Variants in SEMA3C observed in about 807,000 individuals in gnomAD.
SEMA3C encodes semaphorin 3C.
Under a neutral mutation model 89.4 loss-of-function variants are expected in SEMA3C, and 47 were observed. That is an observed-to-expected ratio of 0.53 (90% CI 0.42 to 0.67). The LOEUF (loss-of-function observed/expected upper bound fraction) is 0.67, where lower values mean the gene tolerates loss of function less well. Ranked by LOEUF, SEMA3C falls within the 30% of genes least tolerant of loss-of-function variation. SEMA3C has a pLI of 0.00. For missense variants in SEMA3C, 839 were observed against 929.1 expected (o/e 0.90, Z 1.26); for synonymous variants, 310 against 320.2 (o/e 0.97, Z 0.34).
chr7:80,837,252 T>C (rs973772925), intron 2 of SEMA3C, among the ~76,000 whole-genome samples: 1 of 152,190 alleles, frequency 6.6e-6, no homozygotes, highest in African/African-American at 2.4e-5. Flanking sequence ...TGTTAACACA[T>C]AGGAATGCTA....
intron 2 of SEMA3C, among the ~76,000 whole-genome samples, chr7:80,872,127 T>C (rs1791072896): frequency 6.6e-6 from 1 of 152,012 alleles, no homozygotes; most frequent in African/African-American, 2.4e-5. Flanking sequence ...AGTGGCAATA[T>C]TTTACGTTTT....
intron 15 of SEMA3C, among the ~76,000 whole-genome samples, chr7:80,754,771 T>C (rs1464913794): frequency 1.3e-5 from 2 of 151,078 alleles, no homozygotes; most frequent in Non-Finnish European, 3.0e-5. Flanking sequence ...AAGATAGCTG[T>C]TTGTTGTTGT....
intron 2 of SEMA3C, among the ~76,000 whole-genome samples, chr7:80,840,119 C>G (rs1169479185): frequency 1.3e-5 from 2 of 152,144 alleles, no homozygotes; most frequent in Non-Finnish European, 2.9e-5. Flanking sequence ...ATACATAACA[C>G]AGCCCACAGC....
At chr7:80,789,913 T>G (rs540630475) in intron 11 of SEMA3C, among the ~76,000 whole-genome samples, 1 of 152,248 alleles carries the variant, frequency 6.6e-6, no homozygotes, top group African/African-American at 2.4e-5. Context: ...TAAATTATAT[T>G]ATTATCATTA....
intron 3 of SEMA3C, 61 bp downstream of exon 3, chr7:80,828,524 T>G (rs954269591): frequency 1.3e-5 from 18 of 1,365,274 alleles, no homozygotes; most frequent in Non-Finnish European, 1.7e-5. Flanking sequence ...ACTTATTTAT[T>G]TTTTTTAAAA....
upstream of SEMA3C, among the ~76,000 whole-genome samples, chr7:80,921,084 T>C (rs1792400497): frequency 6.6e-6 from 1 of 152,192 alleles, no homozygotes; most frequent in Admixed American, 6.5e-5. Context: ...TCAAACGGTG[T>C]ATTTACAAAG....
chr7:80,773,800 T>A (rs1314226274), intron 12 of SEMA3C, among the ~76,000 whole-genome samples: 2 of 152,208 alleles, frequency 1.3e-5, no homozygotes, highest in Non-Finnish European at 2.9e-5. Flanking sequence ...TCTGTGAGTC[T>A]CTGGTTGAGT....
intron 2 of SEMA3C, among the ~76,000 whole-genome samples, chr7:80,846,381 A>C (rs1790390290): frequency 2.0e-5 from 3 of 152,176 alleles, no homozygotes; most frequent in Admixed American, 1.3e-4. Flanking sequence ...TTTTGAGACA[A>C]GGTCTCACTC....
At position 80,765,012 on chromosome 7, in the gene SEMA3C, T is replaced by C. The variant is rs1788264656; in HGVS notation, c.1443+143A>G. ...TATTTGTTCTGTATTTCTTATTTTA[T>C]CTGGTGTTTTCCTACCCTCAAAAAT... On this transcript the variant is annotated intron_variant, in intron 13 of 17. Coordinates refer to ENST00000265361, the MANE Select transcript of SEMA3C (RefSeq NM_006379.5). The C allele has an allele frequency of 9.4e-6, 5 of 533,526 alleles. No individual in the cohort carries two copies. The East Asian group carries it at 1.3e-4, about 14-fold the overall frequency. The allele number at this position is 533,526 out of a possible 1,614,324, so 33.0% of individuals were successfully genotyped here. A position where few individuals can be genotyped will look rare whatever the true frequency, so the allele number is the denominator to read the frequency against.
intron 13 of SEMA3C, among the ~76,000 whole-genome samples, chr7:80,762,168 A>G (rs145477060): frequency 1.1e-4 from 17 of 152,186 alleles, no homozygotes. Flanking sequence ...AAAAATGAAA[A>G]TCTGAGAAGG....
chr7:80,782,903 C>T (rs1259993647), intron 12 of SEMA3C, among the ~76,000 whole-genome samples: 1 of 152,004 alleles, frequency 6.6e-6, no homozygotes, highest in African/African-American at 2.4e-5. Context: ...ATTTAATTAG[C>T]ATCATTATAA....
intron 5 of SEMA3C, among the ~76,000 whole-genome samples, chr7:80,811,946 T>C (rs1789479688): frequency 6.6e-6 from 1 of 152,188 alleles, no homozygotes; most frequent in Admixed American, 6.5e-5. Context: ...ATTGTACTTG[T>C]TGTCCTTTTC....
At chr7:80,776,580 A>C (rs1480604810) in intron 12 of SEMA3C, among the ~76,000 whole-genome samples, 2 of 152,184 alleles carry the variant, frequency 1.3e-5, no homozygotes, top group African/African-American at 4.8e-5. Context: ...TTGTCTCTTC[A>C]CCTGTTACAT....
At chr7:80,778,064 G>A (rs935168035) in intron 12 of SEMA3C, among the ~76,000 whole-genome samples, 1 of 151,906 alleles carries the variant, frequency 6.6e-6, no homozygotes, top group Admixed American at 6.6e-5. Context: ...CTCTGTGAGG[G>A]TTAAAAAAAC....
chr7:80,862,675 T>A (rs60153175), intron 2 of SEMA3C, among the ~76,000 whole-genome samples: 15,159 of 152,108 alleles, frequency 0.1, 1,086 homozygotes, highest in African/African-American at 0.19. Flanking sequence ...GAGGAATCAC[T>A]CTACCTGATT....
rs577410264 is a variant in SEMA3C at position 80,897,430 on chromosome 7, T to C, written c.103+19249A>G. 5.3e-5 allele frequency among the ~76,000 whole-genome samples: 8 copies of C among 152,332 alleles called. No homozygotes were observed. In the South Asian group the frequency reaches 1.4e-3, roughly 28 times the overall value. On this transcript the variant is annotated intron_variant, in intron 2 of 17. Coordinates refer to ENST00000265361, the MANE Select transcript of SEMA3C (RefSeq NM_006379.5). ...AGAGATTCAGTAGTAAAAGAGCTGC[T>C]TTAAGTAAGCTTTAGTCAACAGACC...
chr7:80,773,436 A>G (rs1026083834), intron 12 of SEMA3C, among the ~76,000 whole-genome samples: 1 of 152,220 alleles, frequency 6.6e-6, no homozygotes, highest in Non-Finnish European at 1.5e-5. Context: ...GGAGGGCAAT[A>G]TGACCATTAA....
At chr7:80,844,038 T>C (rs1236379450) in intron 2 of SEMA3C, among the ~76,000 whole-genome samples, 7 of 152,144 alleles carry the variant, frequency 4.6e-5, no homozygotes, top group Middle Eastern at 3.2e-3. Context: ...TATATAAGAA[T>C]ACTGCAGATG....
chr7:80,749,198 T>C (rs1787868867), intron 16 of SEMA3C, among the ~76,000 whole-genome samples, 170 bp from the exon 17 acceptor site: 2 of 152,142 alleles, frequency 1.3e-5, no homozygotes, highest in African/African-American at 2.4e-5. Context: ...ATAGGATACG[T>C]TGTTCACCCG....
Sources: allele counts gnomAD v4.1 joint callset (sites outside exome capture counted in the v4.1 genomes callset), GRCh38; gene constraint gnomAD v4.1.1; transcripts MANE v1.5; gene names NCBI Gene and HGNC (gene_info 2026-07-23, HGNC 2026-07-21).